Variants in CCDC82 observed in about 807,000 individuals in gnomAD.
CCDC82 encodes coiled-coil domain-containing protein 82.
Under a neutral mutation model 60.6 loss-of-function variants are expected in CCDC82, and 47 were observed. That is an observed-to-expected ratio of 0.77 (90% confidence interval 0.61 to 0.99). The LOEUF is 0.99. Ranked by LOEUF, CCDC82 falls within the 50% of genes least tolerant of loss-of-function variation. The probability of loss-of-function intolerance (pLI) is 0.00; values close to 1 mark genes in which losing one functional copy is unlikely to be tolerated. For missense variants in CCDC82, 588 were observed against 633.0 expected, an observed-to-expected ratio of 0.93 and a Z score of 0.76; for synonymous variants, 212 against 207.4, an observed-to-expected ratio of 1.02 and a Z score of -0.19.
chr11:96,368,085 G>A (rs1362667462), intron 7 of CCDC82, among the ~76,000 whole-genome samples: 2 of 152,052 alleles, frequency 1.3e-5, no homozygotes, highest in Non-Finnish European at 2.9e-5. Flanking sequence ...CACCCAAAAT[G>A]CTGGGATTAC....
intron 8 of CCDC82, among the ~76,000 whole-genome samples, chr11:96,362,667 A>G (rs1420447908): frequency 1.3e-5 from 2 of 152,152 alleles, no homozygotes; most frequent in African/African-American, 4.8e-5. Flanking sequence ...CTGGTGGTCC[A>G]AGGCCTCTCG....
Position 96,383,965 on chromosome 11 carries a change from A to G in CCDC82, c.783T>C (p.Phe261=). ...AATCCAACAAAATATAACACACCTCAAAATCTCTACCACTACTGCGTCTCT... is the reference window on the plus strand; with the variant it reads ...AATCCAACAAAATATAACACACCTCGAAATCTCTACCACTACTGCGTCTCT... The part of the protein sequence containing the change: ...SRQRRSSGRD[F]EDSEKESCPS... The change falls in exon 4 of 10, where the codon TTT becomes TTC. Residue 261 remains phenylalanine (F), a synonymous_variant. Transcript: ENST00000646818. The G allele has an allele frequency of 6.2e-7, 1 of 1,602,642 alleles. No homozygotes were observed. Among genetic ancestry groups the G allele is most frequent in the Non-Finnish European group, 8.5e-7 (1 of 1,176,066 alleles).
chr11:96,355,154 T>C (rs1163628639), intron 9 of CCDC82: 2 of 152,198 alleles, frequency 1.3e-5, no homozygotes, highest in Non-Finnish European at 2.9e-5. Flanking sequence ...AAGTTTGACT[T>C]TTTATGTTTC....
chr11:96,370,987 C>G (rs1297782182), intron 7 of CCDC82, 26 bp downstream of exon 7: 10 of 1,489,790 alleles, frequency 6.7e-6, no homozygotes, highest in African/African-American at 1.4e-5. Flanking sequence ...AACCCCCAAG[C>G]AGAGATTCAA....
chr11:96,353,404 A>G lies in CCDC82; in HGVS notation c.*242T>C, dbSNP rs1282001890. 4 of 393,620 alleles carry G rather than the reference A, an allele frequency of 1.0e-5. No individual in the cohort carries two copies. The highest frequency in any genetic ancestry group is 3.4e-5 in the South Asian group (1 of 29,102). The allele number at this position is 393,620 out of a possible 1,614,324, so 24.4% of individuals were successfully genotyped here. On this transcript the variant is annotated 3_prime_UTR_variant, in exon 10 of 10. Transcript: ENST00000646818. ...TCATCTGTTATAAAGCCATTATTAT[A>G]TAACTTTAAAATATATTTACAGACT...
At chr11:96,359,281 G>T (rs1333225847) in intron 8 of CCDC82, 103 bp from the exon 9 acceptor site, 3 of 871,104 alleles carry the variant, frequency 3.4e-6, no homozygotes, top group African/African-American at 3.5e-5. Flanking sequence ...TTAACTTCCA[G>T]TGTTTACACA....
Position 96,384,283 on chromosome 11 carries a change from T to C in CCDC82, c.465A>G (p.Gln155=), listed in dbSNP as rs771651301. Residue 155 remains glutamine, a synonymous_variant, in exon 4 of 10, where the codon CAA becomes CAG. Transcript: ENST00000646818. ...TTTGTTTGTTGAGATCATTATCCTC[T>C]TGACTTAAATGTTTTTCCTGATCAT... The part of the protein sequence containing the change: ...IEDDQEKHLS[Q]EDNDLNKQTG... The C allele has an allele frequency of 8.1e-6, 13 of 1,613,618 alleles. No homozygotes were observed. Among genetic ancestry groups the C allele is most frequent in the Non-Finnish European group, 1.1e-5 (13 of 1,179,744 alleles).
At chr11:96,368,908 G>C (rs986010042) in intron 7 of CCDC82, among the ~76,000 whole-genome samples, 5 of 149,508 alleles carry the variant, frequency 3.3e-5, no homozygotes, top group African/African-American at 1.2e-4. Context: ...AGACCATTTT[G>C]TCTACTCTGA....
At chr11:96,381,659 T>A (rs1343288607) in intron 5 of CCDC82, 1 of 151,786 alleles carries the variant, frequency 6.6e-6, no homozygotes, top group Non-Finnish European at 1.5e-5. Context: ...CCATGATTTA[T>A]ATTTTCATGT....
intron 1 of CCDC82, chr11:96,389,610 C>T (rs1413945563): frequency 1.3e-5 from 2 of 152,754 alleles, no homozygotes; most frequent in Admixed American, 6.5e-5. Context: ...GTTCCAAGCA[C>T]CTCCCCAAGG....
Position 96,384,552 on chromosome 11 carries a change from C to T in CCDC82, c.196G>A (p.Glu66Lys). Residue 66 changes from glutamate to lysine, a missense_variant, in exon 4 of 10, where the codon GAG (glutamate) becomes AAG (lysine). Physicochemically the swap from Glu to Lys is moderately conservative, Grantham distance 56. Coordinates refer to ENST00000646818, the MANE Select transcript of CCDC82 (RefSeq NM_024725.4). ...DSDESFENDE[E>K]LDSNKGPDCN... ...TCAGGTCCCTTGTTACTATCAAGCT[C>T]TTCATCATTTTCAAAACTTTCATCA... 5 of 1,613,630 alleles carry T rather than the reference C, an allele frequency of 3.1e-6. No homozygotes were observed. Among genetic ancestry groups the T allele is most frequent in the African/African-American group, 1.3e-5 (1 of 75,016 alleles).
intron 7 of CCDC82, among the ~76,000 whole-genome samples, chr11:96,365,538 A>G (rs1048111781): frequency 1.3e-5 from 2 of 152,122 alleles, no homozygotes; most frequent in Non-Finnish European, 1.5e-5. Context: ...AAAACTTGAG[A>G]AAAAAAATCA....
rs144517283 is a variant in CCDC82 at position 96,384,030 on chromosome 11, G to A, written c.718C>T (p.Leu240Phe). 1.9e-6 allele frequency: 3 copies of A among 1,613,552 alleles called. No homozygotes were observed. The highest frequency in any genetic ancestry group is 2.7e-5 in the African/African-American group (2 of 74,902). ...KTLAAQKREK[L>F]QKLKELSKQR... ...TTTGAGAGTTCTTTGAGCTTCTGAA[G>A]TTTTTCTCGCTTTTGTGCAGCTAAT... Residue 240 changes from leucine to phenylalanine, a missense_variant, in exon 4 of 10, where the codon CTT becomes TTT. Transcript: ENST00000646818.
At chr11:96,355,376 A>G (rs1324359531) in intron 9 of CCDC82, 1 of 152,158 alleles carries the variant, frequency 6.6e-6, no homozygotes, top group African/African-American at 2.4e-5. Context: ...ATTAAAATCT[A>G]TCTCAGCTAT....
intron 5 of CCDC82, chr11:96,380,968 A>G (rs1275780779): frequency 1.3e-5 from 2 of 151,742 alleles, no homozygotes; most frequent in Admixed American, 6.6e-5. Context: ...GTTGTGAAGT[A>G]TGAACTACAG....
At chr11:96,380,928 AC>A (rs919080165) in intron 5 of CCDC82, 2 of 151,714 alleles carry the variant, frequency 1.3e-5, no homozygotes, top group African/African-American at 4.8e-5. Flanking sequence ...ACTTGTCAAA[AC>A]CCATAAAAGG....
chr11:96,359,591 CG>C (rs5793801), intron 8 of CCDC82, among the ~76,000 whole-genome samples: 94,115 of 142,006 alleles, frequency 0.66, 30,750 homozygotes, highest in Middle Eastern at 0.73. Context: ...TTGCCAAGTT[CG>C]GGGGAAAAAA....
chr11:96,370,235 A>C (rs1023142679), intron 7 of CCDC82, among the ~76,000 whole-genome samples: 10 of 152,156 alleles, frequency 6.6e-5, no homozygotes, highest in African/African-American at 2.4e-4. Context: ...AAAGGATTTT[A>C]AATAACTTAA....
At chr11:96,388,857 G>C (rs1236253834) in intron 1 of CCDC82, 1 of 152,192 alleles carries the variant, frequency 6.6e-6, no homozygotes, top group Non-Finnish European at 1.5e-5. Flanking sequence ...GGAGAGCAAA[G>C]ATTAATAAGC....
Sources: gnomAD v4.1 joint callset for allele counts (sites outside exome capture counted in the v4.1 genomes callset) on GRCh38, gnomAD v4.1.1 for gene constraint, MANE v1.5 for transcripts, NCBI Gene and HGNC (gene_info 2026-07-23, HGNC 2026-07-21) for gene names.